ACTN1: variants seen among roughly 807,000 people sequenced by gnomAD.
ACTN1 encodes the protein actinin alpha 1, also known as alpha-actinin-1.
A neutral mutation model predicts 119.6 loss-of-function variants in ACTN1; 30 were observed. That is an observed-to-expected ratio of 0.25 (90% CI 0.19 to 0.34). The LOEUF is 0.34. Ranked by LOEUF, ACTN1 falls within the 10% of genes least tolerant of loss-of-function variation. The probability of loss-of-function intolerance (pLI) is 1.00; values close to 1 mark genes in which losing one functional copy is unlikely to be tolerated. For missense variants in ACTN1, 764 were observed against 1,223.4 expected, an observed-to-expected ratio of 0.62 and a Z score of 5.60; for synonymous variants, 429 against 472.6, an observed-to-expected ratio of 0.91 and a Z score of 1.20.
At chr14:68,936,959 CT>C in intron 1 of ACTN1, 1 of 467,826 alleles carries the variant, frequency 2.1e-6, no homozygotes, top group South Asian at 1.6e-5. Flanking sequence ...GAAAAGATTG[CT>C]ATTGTACTCA....
chr14:68,943,021 A>G (rs2035815990), intron 1 of ACTN1, among the ~76,000 whole-genome samples: 1 of 152,092 alleles, frequency 6.6e-6, no homozygotes, highest in Non-Finnish European at 1.5e-5. Flanking sequence ...TTCTCCCAAA[A>G]CACAAACACA....
chr14:68,979,184 T>C lies in ACTN1; in HGVS notation c.-128A>G. 2 of 502,620 alleles carry C rather than the reference T, an allele frequency of 4.0e-6. No individual in the cohort carries two copies. The highest frequency in any genetic ancestry group is 8.3e-5 in the Admixed American group (2 of 24,188). 31.1% of individuals were successfully genotyped at this position (502,620 alleles called of 1,614,324 possible). On this transcript the variant is annotated 5_prime_UTR_variant, in exon 1 of 22. Coordinates refer to ENST00000394419, the MANE Select transcript of ACTN1 (RefSeq NM_001130004.2). ...GCTGGCGGGGCCGGGCTCGCTCCCC[T>C]GCGCCCGGTTCCGCCGCGGCGCTGC...
chr14:68,880,019 C>T lies in ACTN1; in HGVS notation c.2223G>A (p.Lys741=), dbSNP rs1029618819. ...VENQILTRDA[K]GISQEQMNEF... Reference sequence around the variant, plus strand: ...CATTCATCTGCTCCTGGCTGATGCCCTTGGCATCCCGGGTCAGGATCTGGT... The same window carrying T: ...CATTCATCTGCTCCTGGCTGATGCCTTTGGCATCCCGGGTCAGGATCTGGT... Residue 741 remains lysine (K), a synonymous_variant, in exon 18 of 22, where the codon AAG becomes AAA. Transcript: ENST00000394419. The surrounding 1 kb of genome is among the most constrained non-coding windows in gnomAD (Gnocchi z 4.6). The T allele has an allele frequency of 6.8e-6, 11 of 1,614,170 alleles. No individual in the cohort carries two copies. Among genetic ancestry groups the T allele is most frequent in the Non-Finnish European group, 8.5e-6 (10 of 1,179,988 alleles).
At chr14:68,963,569 A>T (rs2036608544) in intron 1 of ACTN1, among the ~76,000 whole-genome samples, 1 of 152,100 alleles carries the variant, frequency 6.6e-6, no homozygotes, top group Non-Finnish European at 1.5e-5. Flanking sequence ...AGCTGAACTC[A>T]CCCTTCAGAA....
At chr14:68,972,534 A>T (rs1594888271) in intron 1 of ACTN1, among the ~76,000 whole-genome samples, 1 of 152,254 alleles carries the variant, frequency 6.6e-6, no homozygotes, top group East Asian at 1.9e-4. Context: ...TCACCATTTT[A>T]AAATGTACAA....
intron 8 of ACTN1, 42 bp downstream of exon 8, chr14:68,902,435 G>C: frequency 2.6e-6 from 4 of 1,517,438 alleles, no homozygotes; most frequent in Non-Finnish European, 3.7e-6. Flanking sequence ...GGGTCCAGCA[G>C]GAGGTGTGCT....
intron 1 of ACTN1, chr14:68,978,233 A>G (rs989003975): frequency 1.1e-5 from 5 of 455,958 alleles, no homozygotes; most frequent in African/African-American, 1.0e-4. Flanking sequence ...CGGGGGTCGG[A>G]GGGGCAGGAC....
In ACTN1 at chr14:68,892,237, A is replaced by C. The variant is rs1332404312; in HGVS notation, c.902T>G (p.Val301Gly). The C allele has an allele frequency of 6.2e-6, 10 of 1,613,766 alleles. No homozygotes were observed. In the African/African-American group the frequency reaches 1.2e-4, roughly 19 times the overall value. The change falls in exon 10 of 22, where the codon GTG becomes GGG. Residue 301 changes from valine to glycine, a missense_variant. Around this residue, in one of 4 missense-constraint regions of ACTN1, gnomAD observed 544 missense variants for 912.0 expected, o/e 0.60. Coordinates refer to ENST00000394419, the MANE Select transcript of ACTN1 (RefSeq NM_001130004.2). ...RRTIPWLENR[V>G]PENTMHAMQQ... is the part of the protein sequence containing the mutation. ...CATGGCATGCATGGTGTTCTCGGGC[A>C]CCCGGTTCTCCAGCCACGGGATTGT...
chr14:68,965,579 A>G (rs2036676788), intron 1 of ACTN1, among the ~76,000 whole-genome samples: 1 of 152,222 alleles, frequency 6.6e-6, no homozygotes. Flanking sequence ...CACCCAGACT[A>G]GAAGGCAGAG....
Position 68,882,944 on chromosome 14 carries a change from G to C in ACTN1, c.1747C>G (p.His583Asp), listed in dbSNP as rs766497394. 6.2e-7 allele frequency: 1 copy of C among 1,614,044 alleles called. No homozygotes were observed. The highest frequency in any genetic ancestry group is 1.1e-5 in the South Asian group (1 of 91,076). The stretch of plus-strand genomic sequence containing the variant: ...GGGTTGGTGCCCGCCATATTGACGT[G>C]GTAGGTCTGGACAATCTTGGACACC... ...NEVSKIVQTY[H>D]VNMAGTNPYT... Residue 583 changes from histidine to aspartate, a missense_variant, in exon 15 of 22, where the codon CAC becomes GAC. Physicochemically the swap from His to Asp is moderately conservative, Grantham distance 81. Around this residue, in one of 4 missense-constraint regions of ACTN1, gnomAD observed 544 missense variants for 912.0 expected, o/e 0.60. Transcript: ENST00000394419. This position sits in a 1 kb window ranked among gnomAD's most constrained non-coding sequence, Gnocchi z 4.5.
chr14:68,879,754 C>T lies in ACTN1; in HGVS notation c.2280+208G>A. Reference sequence around the variant, plus strand: ...CTACCCACAGTCTGAACACTCTCTCCCGGAAAGCAGGGAAGCTTATGGGGC... The same window carrying T: ...CTACCCACAGTCTGAACACTCTCTCTCGGAAAGCAGGGAAGCTTATGGGGC... On this transcript the variant is annotated intron_variant, in intron 18 of 21. Transcript: ENST00000394419. This position sits in a 1 kb window ranked among gnomAD's most constrained non-coding sequence, Gnocchi z 4.9. 1 of 604,454 alleles carries T rather than the reference C, an allele frequency of 1.7e-6. No homozygotes were observed. Among genetic ancestry groups the T allele is most frequent in the Admixed American group, 3.1e-5 (1 of 32,416 alleles). 37.4% of individuals were successfully genotyped at this position (604,454 alleles called of 1,614,324 possible).
At chr14:68,936,065 A>G (rs2035489638) in intron 1 of ACTN1, among the ~76,000 whole-genome samples, 1 of 152,200 alleles carries the variant, frequency 6.6e-6, no homozygotes, top group Non-Finnish European at 1.5e-5. Flanking sequence ...TGCTAGCGCA[A>G]ACAAGTCCCT....
chr14:68,974,132 G>GAGGCAGCT (rs1485090932), intron 1 of ACTN1: 1 of 152,792 alleles, frequency 6.5e-6, no homozygotes, highest in Non-Finnish European at 1.5e-5. Flanking sequence ...GTTACACATG[G>GAGGCAGCT]AGGCAGCTCA....
Position 68,979,138 on chromosome 14 carries a change from A to ATTTGG in ACTN1, c.-83_-82insCCAAA. ...GGCTGCTGCCCTGGCGTGGGGAGGG[A>ATTTGG]GTAGGGCTGGGCTGGGCTGGGCTGG... On this transcript the variant is annotated 5_prime_UTR_variant, in exon 1 of 22. Coordinates refer to ENST00000394419, the MANE Select transcript of ACTN1 (RefSeq NM_001130004.2). 4.1e-6 allele frequency: 2 copies of ATTTGG among 483,160 alleles called. No individual in the cohort carries two copies. The highest frequency in any genetic ancestry group is 7.2e-6 in the Non-Finnish European group (2 of 278,980). The allele number at this position is 483,160 out of a possible 1,614,324, so 29.9% of individuals were successfully genotyped here.
intron 11 of ACTN1, chr14:68,887,854 G>A (rs971601122): frequency 6.0e-5 from 50 of 832,630 alleles, no homozygotes; most frequent in South Asian, 2.4e-4. Flanking sequence ...TCATTTCCCC[G>A]TTTTCTGCAG....
Position 68,874,920 on chromosome 14 carries a change from A to G in ACTN1, c.2684T>C (p.Val895Ala). The G allele has an allele frequency of 6.2e-7, 1 of 1,611,632 alleles. No individual in the cohort carries two copies. Among genetic ancestry groups the G allele is most frequent in the South Asian group, 1.1e-5 (1 of 91,020 alleles). The change falls in exon 22 of 22, where the codon GTG becomes GCG. Residue 895 changes from valine to alanine, a missense_variant. Transcript: ENST00000394419. ...RMAPYTGPDS[V>A]PGALDYMSFS... is the part of the protein sequence containing the mutation. ...GGACATGTAGTCCAGAGCACCTGGC[A>G]CGGAGTCGGGGCCGGTGTAGGGGGC...
At chr14:68,958,855 C>T (rs2036437376) in intron 1 of ACTN1, among the ~76,000 whole-genome samples, 1 of 152,216 alleles carries the variant, frequency 6.6e-6, no homozygotes, top group Non-Finnish European at 1.5e-5. Flanking sequence ...AGGGCCTCAT[C>T]CCAGTTCTGT....
At chr14:68,974,178 T>A (rs1380234661) in intron 1 of ACTN1, 1 of 152,626 alleles carries the variant, frequency 6.6e-6, no homozygotes, top group African/African-American at 2.4e-5. Context: ...CCCAACAATA[T>A]CTGTAGAGAG....
chr14:68,876,504 T>C (rs935748172), intron 21 of ACTN1, among the ~76,000 whole-genome samples: 3 of 151,930 alleles, frequency 2.0e-5, no homozygotes, highest in Non-Finnish European at 4.4e-5. Context: ...AACATCCAGG[T>C]CTACCAATGA....
Sources: gnomAD v4.1 joint callset for allele counts (sites outside exome capture counted in the v4.1 genomes callset) on GRCh38, gnomAD v4.1.1 for gene constraint, gnomAD v4.1.1 regional missense constraint, Gnocchi (gnomAD v3.1) non-coding constraint, MANE v1.5 for transcripts, NCBI Gene and HGNC (gene_info 2026-07-23, HGNC 2026-07-21) for gene names.